MYO3B: variants seen among roughly 807,000 people sequenced by gnomAD.
MYO3B encodes myosin-IIIb.
In MYO3B, 156 loss-of-function variants were observed where a neutral mutation model predicts 174.6. The observed-to-expected ratio is 0.89, with a 90% CI of 0.78 to 1.02. The LOEUF is 1.02. Among genes scored for constraint, MYO3B ranks in the 50% least tolerant of loss-of-function variants. MYO3B has a pLI of 0.00. For synonymous variants in MYO3B, 563 were observed against 569.1 expected, an observed-to-expected ratio of 0.99 and a Z score of 0.15; for missense variants, 1,632 against 1,639.4, an observed-to-expected ratio of 1.00 and a Z score of 0.08.
chr2:170,470,982 C>G (rs886718117), intron 25 of MYO3B, among the ~76,000 whole-genome samples: 2 of 150,874 alleles, frequency 1.3e-5, no homozygotes, highest in East Asian at 3.9e-4. Context: ...TTTTCTCTCT[C>G]TCTCTCTCTT....
chr2:170,627,765 A>G (rs1026524064), intron 32 of MYO3B, among the ~76,000 whole-genome samples: 3 of 151,746 alleles, frequency 2.0e-5, no homozygotes, highest in Admixed American at 1.3e-4. Flanking sequence ...TTTTCCTTCT[A>G]ACAGTCAGGA....
chr2:170,497,997 C>T (rs1029183804), intron 25 of MYO3B, among the ~76,000 whole-genome samples: 14 of 148,696 alleles, frequency 9.4e-5, no homozygotes. Flanking sequence ...CTACAGTGTT[C>T]TTCTCTGAAA....
rs777834528 is a variant in MYO3B, at chr2:170,466,632, T to C, written c.2935T>C (p.Ser979Pro). 7 of 1,614,200 alleles carry C rather than the reference T, an allele frequency of 4.3e-6. No homozygotes were observed. In the Admixed American group the frequency reaches 5.0e-5, roughly 12 times the overall value. Residue 979 changes from serine (S) to proline (P), a missense_variant, in exon 25 of 35, where the codon TCC (serine) becomes CCC (proline). Transcript: ENST00000408978. ...AGAGAGGGTGCTGGCCCAGCTCCGC[T>C]CCACAGGGATTCTGGAGACAGTCAG... ...SRERVLAQLR[S>P]TGILETVSIR...
intron 32 of MYO3B, among the ~76,000 whole-genome samples, chr2:170,567,096 G>A (rs1382014420): frequency 6.6e-6 from 1 of 152,154 alleles, no homozygotes; most frequent in Non-Finnish European, 1.5e-5. Context: ...AACAATTTGA[G>A]CTGTATTTAT....
At chr2:170,256,696 G>A (rs957694700) in intron 7 of MYO3B, among the ~76,000 whole-genome samples, 1 of 152,038 alleles carries the variant, frequency 6.6e-6, no homozygotes, top group African/African-American at 2.4e-5. Context: ...AACCATATTG[G>A]CTGGTTGTTA....
At chr2:170,258,081 T>A (rs887271763) in intron 7 of MYO3B, among the ~76,000 whole-genome samples, 8 of 152,004 alleles carry the variant, frequency 5.3e-5, no homozygotes, top group Admixed American at 5.2e-4. Flanking sequence ...TTAAAAATTT[T>A]AAAAACCTGG....
chr2:170,413,620 C>T (rs2094559554), intron 22 of MYO3B, among the ~76,000 whole-genome samples: 1 of 151,276 alleles, frequency 6.6e-6, no homozygotes, highest in Admixed American at 6.6e-5. Flanking sequence ...TCAGTTAATA[C>T]TTTCACATTC....
At chr2:170,447,264 G>A (rs528079533) in intron 23 of MYO3B, among the ~76,000 whole-genome samples, 2 of 152,296 alleles carry the variant, frequency 1.3e-5, no homozygotes, top group African/African-American at 2.4e-5. Flanking sequence ...TTTTCAATGT[G>A]TCTTGCTTTC....
chr2:170,418,573 A>G (rs773846799), intron 22 of MYO3B, among the ~76,000 whole-genome samples: 1 of 152,210 alleles, frequency 6.6e-6, no homozygotes, highest in Non-Finnish European at 1.5e-5. Context: ...AATGTTTACA[A>G]CAGGGTGGAG....
chr2:170,282,171 C>T (rs10754974), intron 7 of MYO3B, among the ~76,000 whole-genome samples: 126,013 of 152,164 alleles, frequency 0.83, 52,627 homozygotes, highest in East Asian at 0.95. Flanking sequence ...GTCATAAAAT[C>T]TTTGCCTAGA....
intron 32 of MYO3B, among the ~76,000 whole-genome samples, chr2:170,639,566 T>C (rs1286895187): frequency 6.6e-6 from 1 of 152,170 alleles, no homozygotes; most frequent in African/African-American, 2.4e-5. Flanking sequence ...TTCTGAACAC[T>C]ACACAAAGCA....
At chr2:170,437,442 TG>T (rs1174135056) in intron 22 of MYO3B, among the ~76,000 whole-genome samples, 2 of 152,320 alleles carry the variant, frequency 1.3e-5, no homozygotes, top group East Asian at 3.9e-4. Flanking sequence ...TAAAGCAGGC[TG>T]TAAGACTCTC....
chr2:170,432,641 A>G (rs1388061239), intron 22 of MYO3B, among the ~76,000 whole-genome samples: 1 of 151,110 alleles, frequency 6.6e-6, no homozygotes, highest in Non-Finnish European at 1.5e-5. Context: ...CAGTGGCACG[A>G]TCTCGGCTCA....
intron 26 of MYO3B, among the ~76,000 whole-genome samples, chr2:170,499,182 A>G (rs957325055): frequency 6.6e-6 from 1 of 152,222 alleles, no homozygotes. Context: ...TGATTGCCTT[A>G]TAAAACCAGC....
intron 29 of MYO3B, among the ~76,000 whole-genome samples, chr2:170,515,536 C>A (rs1688252271): frequency 6.6e-6 from 1 of 152,088 alleles, no homozygotes; most frequent in Non-Finnish European, 1.5e-5. Context: ...CAGTTAATAT[C>A]CCTAAGCTCC....
chr2:170,277,394 C>T (rs937321867), intron 7 of MYO3B, among the ~76,000 whole-genome samples: 9 of 152,088 alleles, frequency 5.9e-5, no homozygotes, highest in Admixed American at 1.3e-4. Context: ...CTATGGCTGG[C>T]GCAATAAGTC....
chr2:170,507,184 G>A (rs537678237), intron 28 of MYO3B, among the ~76,000 whole-genome samples: 1 of 152,240 alleles, frequency 6.6e-6, no homozygotes, highest in East Asian at 1.9e-4. Flanking sequence ...ACATCTGGGG[G>A]AAATAATTTA....
intron 32 of MYO3B, among the ~76,000 whole-genome samples, chr2:170,557,142 A>T (rs371463105): frequency 7.2e-4 from 99 of 137,520 alleles, no homozygotes; most frequent in Middle Eastern, 3.7e-3. Flanking sequence ...TTTTATTTTT[A>T]TTTTTATTTT....
At chr2:170,278,823 A>G (rs757095011) in intron 7 of MYO3B, among the ~76,000 whole-genome samples, 5 of 151,844 alleles carry the variant, frequency 3.3e-5, no homozygotes, top group Admixed American at 1.3e-4. Flanking sequence ...TCTACTCTCT[A>G]CCTTCATGAA....
Sources: gnomAD v4.1 joint callset for allele counts (sites outside exome capture counted in the v4.1 genomes callset) on GRCh38, gnomAD v4.1.1 for gene constraint, MANE v1.5 for transcripts, NCBI Gene and HGNC (gene_info 2026-07-23, HGNC 2026-07-21) for gene names.